The following SUGCT variants were observed in gnomAD, a reference collection of about 807,000 sequenced individuals.
SUGCT encodes the protein succinyl-CoA:glutarate-CoA transferase, also known as succinyl-CoA:glutarate CoA-transferase.
Under a neutral mutation model 55.0 loss-of-function variants are expected in SUGCT, and 41 were observed. The observed-to-expected ratio is 0.74, with a 90% CI of 0.58 to 0.97. The LOEUF (loss-of-function observed/expected upper bound fraction) is 0.97. Ranked by LOEUF, SUGCT falls within the 50% of genes least tolerant of loss-of-function variation. The pLI, the probability that SUGCT is intolerant of heterozygous loss-of-function variation, is 0.00. For missense variants in SUGCT, 568 were observed against 547.8 expected (o/e 1.04, Z -0.37); for synonymous variants, 187 against 200.4 (o/e 0.93, Z 0.56).
chr7:40,948,817 G>A, the SUGCT span, among the ~76,000 whole-genome samples: 1 of 152,096 alleles, frequency 6.6e-6, no homozygotes, highest in Non-Finnish European at 1.5e-5. Flanking sequence ...GTATTCCATG[G>A]TGTATATGTG....
chr7:40,828,911 C>A (rs945441349), intron 13 of SUGCT, among the ~76,000 whole-genome samples: 4 of 152,092 alleles, frequency 2.6e-5, no homozygotes, highest in Non-Finnish European at 5.9e-5. Context: ...GGTTTGGGGG[C>A]ATGACTTTAG....
the SUGCT span, among the ~76,000 whole-genome samples, chr7:40,867,522 A>G: frequency 3.9e-5 from 6 of 152,194 alleles, no homozygotes; most frequent in African/African-American, 9.6e-5. Context: ...AATTATATGT[A>G]TAACTCCAGT....
At chr7:40,204,248 C>A (rs1270748195) in intron 6 of SUGCT, among the ~76,000 whole-genome samples, 1 of 151,614 alleles carries the variant, frequency 6.6e-6, no homozygotes, top group Non-Finnish European at 1.5e-5. Context: ...GCCTTGGTCC[C>A]CTGAAGTACT....
At position 40,725,942 on chromosome 7, in the gene SUGCT, C is replaced by T. The variant is rs116005282; in HGVS notation, c.1090-23492C>T. ...GAGAGGGATGGCAAAGAGCTCCTAG[C>T]GAAGTATTAGAGAATCTTGCAATCA... On this transcript the variant is annotated intron_variant, in intron 12 of 13. Coordinates refer to ENST00000335693, the MANE Select transcript of SUGCT (RefSeq NM_001193313.2). Among the ~76,000 whole-genome samples, 179 of 151,924 alleles carry T rather than the reference C, an allele frequency of 1.2e-3. 1 individual carries two copies. Among genetic ancestry groups the T allele is most frequent in the African/African-American group, 4.0e-3 (165 of 41,424 alleles).
intron 6 of SUGCT, among the ~76,000 whole-genome samples, chr7:40,207,450 C>T (rs927356023): frequency 6.6e-6 from 1 of 151,998 alleles, no homozygotes; most frequent in African/African-American, 2.4e-5. Context: ...AAATTGGTAC[C>T]CTTGTGCACT....
chr7:40,879,779 A>T, the SUGCT span, among the ~76,000 whole-genome samples: 2 of 152,210 alleles, frequency 1.3e-5, no homozygotes, highest in Admixed American at 1.3e-4. Context: ...GCAGTTGGGC[A>T]GTGCTTTGGC....
the SUGCT span, among the ~76,000 whole-genome samples, chr7:40,936,398 C>T: frequency 1.3e-5 from 2 of 151,690 alleles, no homozygotes; most frequent in Non-Finnish European, 1.5e-5. Context: ...ACAGTAGTCC[C>T]TTAAAATTCT....
At chr7:40,893,077 A>T in the SUGCT span, among the ~76,000 whole-genome samples, 3 of 152,186 alleles carry the variant, frequency 2.0e-5, no homozygotes, top group African/African-American at 7.2e-5. Flanking sequence ...GTCCCAAAAG[A>T]CAAAGAAGGT....
chr7:40,392,409 T>C (rs774159759), intron 9 of SUGCT, among the ~76,000 whole-genome samples: 5 of 152,098 alleles, frequency 3.3e-5, no homozygotes. Context: ...TTCATGAATC[T>C]TAAAGTATAT....
rs375633993 is a variant in SUGCT, at chr7:40,639,513, ATT to A, written c.1090-109904_1090-109903del. 3.5e-3 allele frequency among the ~76,000 whole-genome samples: 479 copies of A among 137,266 alleles called. 7 individuals carry two copies. The highest frequency in any genetic ancestry group is 0.031 in the East Asian group (150 of 4,778). 90.1% of individuals were successfully genotyped at this position (137,266 alleles called of 152,430 possible). A position where few individuals can be genotyped will look rare whatever the true frequency, so the allele number is the denominator to read the frequency against. The stretch of plus-strand genomic sequence containing the variant: ...AAGGTAATAATATATGCTTTTTCAG[ATT>A]TTTTTTTTTTTTTTTTGAGAAGGAG... On this transcript the variant is annotated intron_variant, in intron 12 of 13. Coordinates refer to ENST00000335693, the MANE Select transcript of SUGCT (RefSeq NM_001193313.2).
chr7:40,259,996 A>G (rs1791114570), intron 7 of SUGCT, among the ~76,000 whole-genome samples: 1 of 152,188 alleles, frequency 6.6e-6, no homozygotes, highest in Non-Finnish European at 1.5e-5. Flanking sequence ...GGAAATTTTA[A>G]AATGATATGT....
chr7:40,428,817 C>T (rs1787736776), intron 9 of SUGCT, among the ~76,000 whole-genome samples: 1 of 152,086 alleles, frequency 6.6e-6, no homozygotes, highest in Non-Finnish European at 1.5e-5. Flanking sequence ...ATATGTTTGT[C>T]AGTGAGCTTT....
intron 13 of SUGCT, among the ~76,000 whole-genome samples, chr7:40,773,763 G>A (rs1424714867): frequency 1.3e-5 from 2 of 152,068 alleles, no homozygotes; most frequent in East Asian, 3.9e-4. Context: ...GGAAAATTAA[G>A]GTGTGCACCC....
chr7:40,437,907 C>T (rs1788262036), intron 9 of SUGCT, among the ~76,000 whole-genome samples: 1 of 152,004 alleles, frequency 6.6e-6, no homozygotes, highest in Non-Finnish European at 1.5e-5. Flanking sequence ...AGTAGACATA[C>T]TACAAATTTT....
At chr7:40,873,317 T>C in the SUGCT span, among the ~76,000 whole-genome samples, 1 of 152,210 alleles carries the variant, frequency 6.6e-6, no homozygotes. Flanking sequence ...ATGATAGAAT[T>C]TGAGCCTACA....
chr7:41,017,219 C>T, the SUGCT span, among the ~76,000 whole-genome samples: 1 of 152,084 alleles, frequency 6.6e-6, no homozygotes, highest in Non-Finnish European at 1.5e-5. Flanking sequence ...ACAAAGTCTC[C>T]CCTAAAACTT....
intron 12 of SUGCT, chr7:40,683,956 G>T: frequency 6.6e-7 from 1 of 1,520,620 alleles, no homozygotes; most frequent in South Asian, 1.2e-5. Flanking sequence ...GGAGGTTTTG[G>T]GGGAAAAGCC....
At chr7:40,711,800 C>T (rs1375266171) in intron 12 of SUGCT, among the ~76,000 whole-genome samples, 2 of 152,210 alleles carry the variant, frequency 1.3e-5, no homozygotes, top group African/African-American at 4.8e-5. Flanking sequence ...TGTGTATCTT[C>T]AACTAGATTT....
At chr7:40,398,045 G>A (rs1785839267) in intron 9 of SUGCT, among the ~76,000 whole-genome samples, 1 of 152,146 alleles carries the variant, frequency 6.6e-6, no homozygotes, top group African/African-American at 2.4e-5. Context: ...AACCAGTGAG[G>A]TGTGGGGGTC....
Sources: allele counts gnomAD v4.1 joint callset (sites outside exome capture counted in the v4.1 genomes callset), GRCh38; gene constraint gnomAD v4.1.1; transcripts MANE v1.5; gene names NCBI Gene and HGNC (gene_info 2026-07-23, HGNC 2026-07-21).